The following DLG2 variants were observed in gnomAD, a reference collection of about 807,000 sequenced individuals.
The protein encoded by DLG2 is discs large MAGUK scaffold protein 2.
Under a neutral mutation model 132.5 loss-of-function variants are expected in DLG2, and 45 were observed. The ratio of observed to expected loss-of-function variants is 0.34; its 90% CI spans 0.27 to 0.44. The LOEUF is 0.44. DLG2 is among the 20% of genes least tolerant of loss of function. The probability of loss-of-function intolerance (pLI) is 1.00; values close to 1 mark genes in which losing one functional copy is unlikely to be tolerated. For synonymous variants in DLG2, 424 were observed against 419.6 expected, an observed-to-expected ratio of 1.01 and a Z score of -0.13; for missense variants, 1,045 against 1,196.9, an observed-to-expected ratio of 0.87 and a Z score of 1.87.
At chr11:85,086,843 C>T (rs556332425) in intron 6 of DLG2, among the ~76,000 whole-genome samples, 44 of 152,068 alleles carry the variant, frequency 2.9e-4, no homozygotes, top group Non-Finnish European at 5.3e-4. Flanking sequence ...TTGTGAAATG[C>T]CATAAATTTT....
At chr11:84,526,759 T>C (rs1268288285) in intron 7 of DLG2, among the ~76,000 whole-genome samples, 3 of 151,136 alleles carry the variant, frequency 2.0e-5, no homozygotes, top group Non-Finnish European at 4.4e-5. Flanking sequence ...TGCAGTTTCA[T>C]GCATCCACTG....
chr11:84,593,203 T>C (rs963934738), intron 6 of DLG2, among the ~76,000 whole-genome samples: 4 of 151,758 alleles, frequency 2.6e-5, no homozygotes, highest in African/African-American at 9.7e-5. Flanking sequence ...GGTGGCAGTG[T>C]AAATTAGTTC....
At chr11:84,403,859 A>G (rs2098839308) in intron 7 of DLG2, among the ~76,000 whole-genome samples, 1 of 152,156 alleles carries the variant, frequency 6.6e-6, no homozygotes, top group Admixed American at 6.5e-5. Flanking sequence ...GATAACTCAC[A>G]GTTCCTATTC....
intron 9 of DLG2, among the ~76,000 whole-genome samples, chr11:84,112,175 T>C (rs1393418634): frequency 6.6e-6 from 1 of 152,000 alleles, no homozygotes; most frequent in East Asian, 1.9e-4. Flanking sequence ...AATTTTTGTA[T>C]TTTTAGTAGA....
intron 6 of DLG2, among the ~76,000 whole-genome samples, chr11:84,771,029 TG>T (rs1223222588): frequency 6.6e-6 from 1 of 152,186 alleles, no homozygotes; most frequent in Non-Finnish European, 1.5e-5. Flanking sequence ...CAACTATTTA[TG>T]GGCACCTGGG....
chr11:84,772,296 A>T (rs1337284614), intron 6 of DLG2, among the ~76,000 whole-genome samples: 1 of 152,174 alleles, frequency 6.6e-6, no homozygotes, highest in Non-Finnish European at 1.5e-5. Context: ...GATTCATAAA[A>T]CATGCACTTC....
intron 3 of DLG2, among the ~76,000 whole-genome samples, chr11:85,470,746 A>C (rs2092959460): frequency 6.6e-6 from 1 of 152,176 alleles, no homozygotes; most frequent in Non-Finnish European, 1.5e-5. Context: ...ATAAAAAAGA[A>C]TATTTTCATG....
chr11:83,607,768 A>T (rs2059558459), intron 19 of DLG2, among the ~76,000 whole-genome samples: 1 of 152,240 alleles, frequency 6.6e-6, no homozygotes, highest in African/African-American at 2.4e-5. Context: ...ATGTAATGGA[A>T]TAATACATAA....
chr11:85,079,181 T>C (rs2066922693), intron 6 of DLG2, among the ~76,000 whole-genome samples: 1 of 152,076 alleles, frequency 6.6e-6, no homozygotes, highest in Admixed American at 6.6e-5. Context: ...AAAGAGTTTA[T>C]CTAAAGATCT....
At chr11:84,871,028 C>T (rs1277422931) in intron 6 of DLG2, among the ~76,000 whole-genome samples, 1 of 152,176 alleles carries the variant, frequency 6.6e-6, no homozygotes, top group African/African-American at 2.4e-5. Context: ...TTGCAGCTAA[C>T]AAATAGGAAA....
chr11:84,870,669 C>T (rs997551916), intron 6 of DLG2, among the ~76,000 whole-genome samples: 1 of 152,168 alleles, frequency 6.6e-6, no homozygotes, highest in Non-Finnish European at 1.5e-5. Flanking sequence ...ATATATTCAT[C>T]ACTGTGTACA....
chr11:84,555,673 A>T (rs903597330), intron 6 of DLG2, among the ~76,000 whole-genome samples: 1 of 152,240 alleles, frequency 6.6e-6, no homozygotes, highest in African/African-American at 2.4e-5. Context: ...AGGAAGAAAT[A>T]GGGAGCTGTT....
intron 6 of DLG2, among the ~76,000 whole-genome samples, chr11:84,748,907 C>A (rs1055546048): frequency 3.9e-5 from 6 of 152,138 alleles, no homozygotes; most frequent in African/African-American, 1.2e-4. Flanking sequence ...TTATGGCTCA[C>A]GCCTATAATC....
intron 7 of DLG2, among the ~76,000 whole-genome samples, chr11:84,285,622 G>A (rs1031517310): frequency 6.6e-6 from 1 of 152,076 alleles, no homozygotes; most frequent in Non-Finnish European, 1.5e-5. Flanking sequence ...CCTTCTTCCA[G>A]ATGTGAAAAT....
chr11:85,384,555 AT>A (rs1212358794), intron 3 of DLG2, among the ~76,000 whole-genome samples: 2 of 151,966 alleles, frequency 1.3e-5, no homozygotes, highest in African/African-American at 4.8e-5. Context: ...GTTACTAAAT[AT>A]TTTTTGTTTG....
chr11:84,893,366 A>G (rs1012044330), intron 6 of DLG2, among the ~76,000 whole-genome samples: 4 of 152,082 alleles, frequency 2.6e-5, no homozygotes, highest in African/African-American at 9.7e-5. Context: ...GGGTGTGTGT[A>G]CTCCTAAGTA....
intron 6 of DLG2, among the ~76,000 whole-genome samples, chr11:84,617,458 T>C (rs2099606550): frequency 6.6e-6 from 1 of 152,272 alleles, no homozygotes; most frequent in East Asian, 1.9e-4. Context: ...TTTGCATGTG[T>C]CTTTATAGTA....
At chr11:84,120,463 C>T (rs555267890) in intron 9 of DLG2, among the ~76,000 whole-genome samples, 1 of 152,246 alleles carries the variant, frequency 6.6e-6, no homozygotes, top group East Asian at 1.9e-4. Flanking sequence ...AGTTGTTCTT[C>T]ACAATGACTC....
At chr11:84,165,824 G>A (rs552631654) in intron 8 of DLG2, among the ~76,000 whole-genome samples, 98 of 152,158 alleles carry the variant, frequency 6.4e-4, no homozygotes, top group African/African-American at 2.3e-3. Context: ...CTTGAACAGG[G>A]GAGATGGAGG....
Sources: allele counts gnomAD v4.1 joint callset (sites outside exome capture counted in the v4.1 genomes callset), GRCh38; gene constraint gnomAD v4.1.1; transcripts MANE v1.5; gene names NCBI Gene and HGNC (gene_info 2026-07-23, HGNC 2026-07-21).